Variants in COL6A6 observed in about 807,000 individuals in gnomAD.
The protein encoded by COL6A6 is collagen alpha-6(VI) chain.
Under a neutral mutation model 208.6 loss-of-function variants are expected in COL6A6, and 183 were observed. The ratio of observed to expected loss-of-function variants is 0.88; its 90% CI spans 0.78 to 0.99. COL6A6 has a LOEUF of 0.99. Among genes scored for constraint, COL6A6 ranks in the 50% least tolerant of loss-of-function variants. COL6A6 has a pLI of 0.00. For synonymous variants in COL6A6, 973 were observed against 1,011.8 expected, an observed-to-expected ratio of 0.96 and a Z score of 0.73; for missense variants, 2,816 against 2,815.2, an observed-to-expected ratio of 1.00 and a Z score of -0.01.
chr3:130,657,594 A>G (rs1418777187), intron 33 of COL6A6, among the ~76,000 whole-genome samples: 7 of 152,192 alleles, frequency 4.6e-5, no homozygotes, highest in African/African-American at 1.7e-4. Context: ...AACAACAACA[A>G]CAACTCCTAA....
At chr3:130,599,954 G>C in intron 20 of COL6A6, 144 bp downstream of exon 20, 1 of 747,634 alleles carries the variant, frequency 1.3e-6, no homozygotes, top group Non-Finnish European at 2.3e-6. Context: ...TCGCAGACCA[G>C]GGCTGGCAAA....
rs771057259 is a variant in COL6A6 at position 130,592,726 on chromosome 3, TGTTACC to T, written c.4371+5_4371+10del. 32 of 1,610,762 alleles carry T rather than the reference TGTTACC, an allele frequency of 2.0e-5. No homozygotes were observed. Among genetic ancestry groups the T allele is most frequent in the Non-Finnish European group, 2.6e-5 (31 of 1,177,704 alleles). The stretch of plus-strand genomic sequence containing the variant: ...CAGAGGACTAAATGGACAGGAGGTA[TGTTACC>T]AGGCACATCCATTTACCTACCCATA... On this transcript the variant is annotated splice_donor_5th_base_variant and intron_variant, in intron 15 of 36. Transcript: ENST00000358511.
intron 33 of COL6A6, among the ~76,000 whole-genome samples, chr3:130,651,021 A>G (rs2065627004): frequency 6.6e-6 from 1 of 152,248 alleles, no homozygotes; most frequent in Non-Finnish European, 1.5e-5. Flanking sequence ...GAGTTGGAAT[A>G]TATTTCTCAT....
rs1182662722 is a variant in COL6A6, at chr3:130,589,851, T to A, written c.4218+669T>A. ...ATGTTATAATGATTTCAATACAGTT[T>A]GTTTACATGTGTTTTATTTTTGAAT... is the stretch of plus-strand genomic sequence containing the variant. On this transcript the variant is annotated intron_variant, in intron 12 of 36. Coordinates refer to ENST00000358511, the MANE Select transcript of COL6A6 (RefSeq NM_001102608.3). The A allele has an allele frequency of 1.5e-5, 4 of 271,290 alleles. No homozygotes were observed. In the Admixed American group the frequency reaches 1.8e-4, roughly 12 times the overall value. The allele number at this position is 271,290 out of a possible 1,614,324, so 16.8% of individuals were successfully genotyped here. A position where few individuals can be genotyped will look rare whatever the true frequency, so the allele number is the denominator to read the frequency against.
At chr3:130,596,011 G>A (rs76769227) in intron 18 of COL6A6, among the ~76,000 whole-genome samples, 4,697 of 152,250 alleles carry the variant, frequency 0.031, 211 homozygotes, top group African/African-American at 0.095. Flanking sequence ...GGACACCTGG[G>A]AATCTCATGA....
Position 130,571,133 on chromosome 3 carries a change from G to A in COL6A6, c.2717G>A (p.Arg906His), listed in dbSNP as rs766832981. 1.1e-5 allele frequency: 17 copies of A among 1,613,666 alleles called. No homozygotes were observed. The highest frequency in any genetic ancestry group is 8.9e-5 in the East Asian group (4 of 44,880). The change falls in exon 7 of 37, where the codon CGC (arginine) becomes CAC (histidine). Residue 906 changes from arginine to histidine, a missense_variant. Coordinates refer to ENST00000358511, the MANE Select transcript of COL6A6 (RefSeq NM_001102608.3). ...DHMFTEARGSRLNKGVPQVLI... is the reference protein window; with the variant it reads ...DHMFTEARGSHLNKGVPQVLI... ...ATGTTCACTGAAGCCCGGGGCAGCC[G>A]CCTGAACAAGGGGGTCCCCCAAGTC... is the stretch of plus-strand genomic sequence containing the variant.
chr3:130,544,068 T>G (rs2062437621), intron 1 of COL6A6, among the ~76,000 whole-genome samples: 1 of 152,190 alleles, frequency 6.6e-6, no homozygotes, highest in Non-Finnish European at 1.5e-5. Flanking sequence ...AGTATATTAT[T>G]AACTATAATT....
chr3:130,555,076 G>A (rs1367170515), intron 1 of COL6A6, among the ~76,000 whole-genome samples: 3 of 152,120 alleles, frequency 2.0e-5, no homozygotes, highest in Non-Finnish European at 4.4e-5. Flanking sequence ...TCTAAGGCAG[G>A]GTGAGCTTTA....
intron 8 of COL6A6, among the ~76,000 whole-genome samples, chr3:130,578,131 A>T (rs751198466): frequency 1.3e-5 from 2 of 152,076 alleles, no homozygotes; most frequent in Non-Finnish European, 1.5e-5. Context: ...TTTTTTTAGC[A>T]TGGAGCCATG....
chr3:130,600,159 C>G (rs956719897), intron 20 of COL6A6, among the ~76,000 whole-genome samples: 3 of 152,136 alleles, frequency 2.0e-5, no homozygotes, highest in Non-Finnish European at 2.9e-5. Flanking sequence ...CTTTCTTTGC[C>G]AAATTGTATG....
At chr3:130,531,565 A>G (rs188127730) in intron 1 of COL6A6, among the ~76,000 whole-genome samples, 5 of 152,270 alleles carry the variant, frequency 3.3e-5, no homozygotes, top group Admixed American at 1.3e-4. Context: ...GCTCAAAATC[A>G]CTACTATCAA....
At chr3:130,575,375 ATATAAT>A (rs1328739960) in intron 8 of COL6A6, among the ~76,000 whole-genome samples, 5 of 152,236 alleles carry the variant, frequency 3.3e-5, no homozygotes, top group South Asian at 2.1e-4. Context: ...AACACCTGAG[ATATAAT>A]TATAAAGTGC....
At chr3:130,586,743 A>G (rs923683622) in intron 11 of COL6A6, 83 bp downstream of exon 11, 1 of 1,348,010 alleles carries the variant, frequency 7.4e-7, no homozygotes, top group Non-Finnish European at 1.0e-6. Context: ...AAGAATTTGA[A>G]CTTACTGTGT....
intron 1 of COL6A6, among the ~76,000 whole-genome samples, chr3:130,546,824 C>G (rs1249706389): frequency 6.6e-6 from 1 of 152,224 alleles, no homozygotes; most frequent in Non-Finnish European, 1.5e-5. Flanking sequence ...ATTTACAATC[C>G]TTTAGCTAGA....
At chr3:130,546,291 G>C (rs186999643) in intron 1 of COL6A6, among the ~76,000 whole-genome samples, 1 of 151,962 alleles carries the variant, frequency 6.6e-6, no homozygotes, top group Non-Finnish European at 1.5e-5. Flanking sequence ...AGACCTTCGC[G>C]ATGAGTGTTA....
intron 1 of COL6A6, among the ~76,000 whole-genome samples, chr3:130,537,654 G>T (rs931091418): frequency 1.3e-5 from 2 of 152,248 alleles, no homozygotes; most frequent in South Asian, 2.1e-4. Flanking sequence ...GGGCTTAGCT[G>T]CTGGGATATT....
chr3:130,624,465 A>C (rs2064827427), intron 24 of COL6A6, among the ~76,000 whole-genome samples: 1 of 152,210 alleles, frequency 6.6e-6, no homozygotes, highest in Non-Finnish European at 1.5e-5. Flanking sequence ...AGTCAACTGC[A>C]AAAGGAAGGG....
At chr3:130,611,275 G>T (rs2064350672) in intron 23 of COL6A6, among the ~76,000 whole-genome samples, 1 of 152,194 alleles carries the variant, frequency 6.6e-6, no homozygotes, top group African/African-American at 2.4e-5. Context: ...GTTAACTAGA[G>T]AACTTGTTAA....
chr3:130,656,714 G>T (rs549134299), intron 33 of COL6A6, among the ~76,000 whole-genome samples: 1 of 152,326 alleles, frequency 6.6e-6, no homozygotes, highest in East Asian at 1.9e-4. Context: ...CAGGCTGTTT[G>T]CACTGAGGGG....
Sources: gnomAD v4.1 joint callset for allele counts (sites outside exome capture counted in the v4.1 genomes callset) on GRCh38, gnomAD v4.1.1 for gene constraint, MANE v1.5 for transcripts, NCBI Gene and HGNC (gene_info 2026-07-23, HGNC 2026-07-21) for gene names.